FANK1: variants seen among roughly 807,000 people sequenced by gnomAD.
The protein encoded by FANK1 is fibronectin type 3 and ankyrin repeat domains protein 1.
FANK1 carries 44 observed loss-of-function variants against 45.3 expected under a neutral mutation model. That is an observed-to-expected ratio of 0.97 (90% CI 0.76 to 1.25). FANK1 has a LOEUF of 1.25. Among genes scored for constraint, FANK1 ranks in the 50% most tolerant of loss-of-function variants. The probability of loss-of-function intolerance (pLI) is 0.00; values close to 1 mark genes in which losing one functional copy is unlikely to be tolerated. For missense variants in FANK1, 391 were observed against 424.4 expected (o/e 0.92, Z 0.69); for synonymous variants, 149 against 152.5 (o/e 0.98, Z 0.17).
chr10:125,994,287 A>T, intron 3 of FANK1: 1 of 598,626 alleles, frequency 1.7e-6, no homozygotes, highest in Non-Finnish European at 2.1e-6. Flanking sequence ...AGCAGGCACT[A>T]CAGTGTAAGT....
intron 6 of FANK1, chr10:126,004,018 T>A (rs1952979063): frequency 6.6e-6 from 1 of 152,148 alleles, no homozygotes; most frequent in African/African-American, 2.4e-5. Context: ...CCAATAATTT[T>A]ATTGCCTGAA....
intron 1 of FANK1, chr10:125,972,208 A>G (rs10901491): frequency 0.36 from 54,385 of 152,110 alleles, 10,186 homozygotes; most frequent in South Asian, 0.49. Context: ...TAAGTGTCAT[A>G]TAAGTGTTGC....
At chr10:125,991,163 G>A (rs1189907013) in intron 3 of FANK1, among the ~76,000 whole-genome samples, 2 of 152,190 alleles carry the variant, frequency 1.3e-5, no homozygotes, top group Non-Finnish European at 2.9e-5. Context: ...GAGAGTTGGT[G>A]CAGCGCATTT....
At chr10:125,952,527 C>T (rs918045006) in intron 1 of FANK1, among the ~76,000 whole-genome samples, 4 of 152,090 alleles carry the variant, frequency 2.6e-5, no homozygotes, top group Non-Finnish European at 5.9e-5. Flanking sequence ...CAGGATCACC[C>T]TTGTGTGTAT....
chr10:125,955,545 A>T (rs1949523714), intron 1 of FANK1, among the ~76,000 whole-genome samples: 1 of 152,084 alleles, frequency 6.6e-6, no homozygotes, highest in South Asian at 2.1e-4. Flanking sequence ...CAGTGGTGCG[A>T]TCATGACTCA....
intron 1 of FANK1, among the ~76,000 whole-genome samples, chr10:125,941,825 TG>T (rs1238282089): frequency 2.0e-5 from 3 of 152,236 alleles, no homozygotes; most frequent in African/African-American, 7.2e-5. Flanking sequence ...GCATTAGCAT[TG>T]TAGCAGCAAA....
At chr10:126,002,241 G>C (rs1293085546) in intron 6 of FANK1, among the ~76,000 whole-genome samples, 1 of 152,142 alleles carries the variant, frequency 6.6e-6, no homozygotes. Context: ...GAACCCAGGA[G>C]GCGGAGGTTG....
intron 1 of FANK1, among the ~76,000 whole-genome samples, chr10:125,946,146 C>T (rs962984551): frequency 1.2e-4 from 19 of 152,074 alleles, no homozygotes; most frequent in Non-Finnish European, 2.4e-4. Flanking sequence ...GATAAAACCA[C>T]AAAGATGGGA....
chr10:125,943,736 A>C (rs1948601376), intron 1 of FANK1, among the ~76,000 whole-genome samples: 1 of 152,210 alleles, frequency 6.6e-6, no homozygotes, highest in East Asian at 1.9e-4. Flanking sequence ...ATAATGGGCA[A>C]ACCACCTCAC....
chr10:125,934,770 C>T (rs1017388356), intron 1 of FANK1, among the ~76,000 whole-genome samples: 4 of 101,704 alleles, frequency 3.9e-5, no homozygotes, highest in African/African-American at 1.2e-4. Flanking sequence ...TTGCAAATCA[C>T]GAAGAGAAAG....
intron 1 of FANK1, among the ~76,000 whole-genome samples, chr10:125,926,475 C>T (rs1298389262): frequency 2.0e-5 from 3 of 152,430 alleles, no homozygotes; most frequent in South Asian, 2.1e-4. Context: ...ACTCCCTGAC[C>T]CCTGGCAACC....
chr10:125,948,245 G>A (rs1285846648), intron 1 of FANK1, among the ~76,000 whole-genome samples: 2 of 150,698 alleles, frequency 1.3e-5, no homozygotes, highest in African/African-American at 4.9e-5. Context: ...GCTAGCAGAA[G>A]GCAAGAAATA....
At chr10:126,004,684 T>C (rs1953045056) in intron 6 of FANK1, 200 bp from the exon 7 acceptor site, 1 of 557,784 alleles carries the variant, frequency 1.8e-6, no homozygotes, top group South Asian at 2.2e-5. Flanking sequence ...TTTGTAGCAC[T>C]TCATTTCTAA....
chr10:125,953,248 C>T (rs1310625628), intron 1 of FANK1, among the ~76,000 whole-genome samples: 6 of 152,156 alleles, frequency 3.9e-5, no homozygotes, highest in Non-Finnish European at 7.3e-5. Flanking sequence ...TGTGAAGGCC[C>T]CTCTGTTTGT....
intron 2 of FANK1, among the ~76,000 whole-genome samples, chr10:125,987,085 A>G (rs1471402512): frequency 6.6e-6 from 1 of 152,040 alleles, no homozygotes; most frequent in Non-Finnish European, 1.5e-5. Context: ...CAGCACTGTC[A>G]TTTCACCCTT....
intron 2 of FANK1, 52 bp from the exon 3 acceptor site, chr10:125,988,481 CTGCTGTCTTATCAGAGAG>C: frequency 6.4e-7 from 1 of 1,564,472 alleles, no homozygotes; most frequent in East Asian, 2.3e-5. Context: ...ACCTGCTCTT[CTGCTGTCTTATCAGAGAG>C]TGCAGATTAA....
chr10:125,953,893 T>G (rs1014971444), intron 1 of FANK1, among the ~76,000 whole-genome samples: 1 of 152,138 alleles, frequency 6.6e-6, no homozygotes, highest in Non-Finnish European at 1.5e-5. Flanking sequence ...TTGGATGAAA[T>G]CTTTTGGAAG....
At chr10:125,918,924 A>T (rs1343833805) in intron 1 of FANK1, among the ~76,000 whole-genome samples, 1 of 152,020 alleles carries the variant, frequency 6.6e-6, no homozygotes. Context: ...TTGAATAGAG[A>T]CCAACTAAAG....
Position 125,990,578 on chromosome 10 carries a change from G to C in FANK1, c.316+1903G>C, listed in dbSNP as rs144530974. Among the ~76,000 whole-genome samples, 435 of 152,254 alleles carry C rather than the reference G, an allele frequency of 2.9e-3. 1 individual carries two copies. Among genetic ancestry groups the C allele is most frequent in the African/African-American group, 9.9e-3 (412 of 41,544 alleles). On this transcript the variant is annotated intron_variant, in intron 3 of 10. Transcript: ENST00000368693. ...TTCCAGGTGAGGGTGAATATGGTTG[G>C]TTCTGCAGCCTTCCATTGTGGGCTT...
Sources: allele counts gnomAD v4.1 joint callset (sites outside exome capture counted in the v4.1 genomes callset), GRCh38; gene constraint gnomAD v4.1.1; transcripts MANE v1.5; gene names NCBI Gene and HGNC (gene_info 2026-07-23, HGNC 2026-07-21).